The following MAN2A1 variants were observed in gnomAD, a reference collection of about 807,000 sequenced individuals.
MAN2A1 encodes mannosidase alpha class 2A member 1, also known as alpha-mannosidase 2.
A neutral mutation model predicts 142.6 loss-of-function variants in MAN2A1; 76 were observed. That is an observed-to-expected ratio of 0.53 (90% CI 0.44 to 0.65). MAN2A1 has a LOEUF of 0.65. MAN2A1 is among the 30% of genes least tolerant of loss of function. The pLI, the probability that MAN2A1 is intolerant of heterozygous loss-of-function variation, is 0.00. For missense variants in MAN2A1, 1,311 were observed against 1,365.1 expected, an observed-to-expected ratio of 0.96 and a Z score of 0.62; for synonymous variants, 559 against 473.2, an observed-to-expected ratio of 1.18 and a Z score of -2.35.
chr5:109,704,918 A>G (rs1751088086), intron 1 of MAN2A1, among the ~76,000 whole-genome samples: 1 of 152,086 alleles, frequency 6.6e-6, no homozygotes, highest in Admixed American at 6.6e-5. Flanking sequence ...ATTCATATTT[A>G]TTCTGGCCAC....
In MAN2A1 at chr5:109,865,103, C is replaced by G. The variant is rs770916865; in HGVS notation, c.3239C>G (p.Ser1080Cys). The G allele has an allele frequency of 1.2e-6, 2 of 1,613,926 alleles. No individual in the cohort carries two copies. Among genetic ancestry groups the G allele is most frequent in the African/African-American group, 2.7e-5 (2 of 74,920 alleles). The change falls in exon 21 of 22, where the codon TCT becomes TGT. Residue 1080 changes from serine to cysteine, a missense_variant. Physicochemically the swap from Ser to Cys is moderately radical, Grantham distance 112. Transcript: ENST00000261483. ...LHRKGFDCRF[S>C]SKGTGLFCST... ...AGAAAAGGGTTTGATTGTCGGTTCT[C>G]TAGCAAAGGCACAGGGCTGTTTTGT...
chr5:109,705,905 T>A (rs1398763212), intron 1 of MAN2A1, among the ~76,000 whole-genome samples: 1 of 152,208 alleles, frequency 6.6e-6, no homozygotes, highest in Non-Finnish European at 1.5e-5. Flanking sequence ...CTCTTCCATT[T>A]TCCTCTTTTC....
chr5:109,851,642 A>G lies in MAN2A1; in HGVS notation c.2977-3498A>G, dbSNP rs1233156953. Among the ~76,000 whole-genome samples, 4 of 152,234 alleles carry G rather than the reference A, an allele frequency of 2.6e-5. No homozygotes were observed. The East Asian group carries it at 7.7e-4, about 29-fold the overall frequency. On this transcript the variant is annotated intron_variant, in intron 19 of 21. Coordinates refer to ENST00000261483, the MANE Select transcript of MAN2A1 (RefSeq NM_002372.4). ...AATAAACTTCTTTTATAGATAAATT[A>G]TCCAGTCTGTGGTATTCTGTTATGG...
At chr5:109,695,118 A>T (rs1277969091) in intron 1 of MAN2A1, among the ~76,000 whole-genome samples, 1 of 152,186 alleles carries the variant, frequency 6.6e-6, no homozygotes, top group East Asian at 1.9e-4. Context: ...TCTCTTCCTG[A>T]TCAGCATTTT....
At chr5:109,762,388 C>CT (rs1249828530) in intron 5 of MAN2A1, among the ~76,000 whole-genome samples, 1 of 151,768 alleles carries the variant, frequency 6.6e-6, no homozygotes, top group Admixed American at 6.6e-5. Context: ...TTTTTTGTTT[C>CT]TTTTTCTCTC....
intron 12 of MAN2A1, among the ~76,000 whole-genome samples, chr5:109,797,261 T>A (rs2301011): frequency 0.66 from 100,394 of 151,804 alleles, 33,909 homozygotes; most frequent in East Asian, 0.91. Flanking sequence ...AAAATTTTTT[T>A]AAAAAAAGAG....
intron 12 of MAN2A1, 129 bp downstream of exon 12, chr5:109,789,656 T>C (rs1172827487): frequency 3.2e-6 from 2 of 620,268 alleles, no homozygotes; most frequent in East Asian, 2.9e-5. Context: ...TCCTAAAAAA[T>C]GGATTTTCTT....
At chr5:109,803,946 C>T (rs946869161) in intron 12 of MAN2A1, among the ~76,000 whole-genome samples, 1 of 152,080 alleles carries the variant, frequency 6.6e-6, no homozygotes, top group African/African-American at 2.4e-5. Context: ...GAGATTACTT[C>T]AGTAGCTTAT....
chr5:109,803,318 G>T (rs1175290684), intron 12 of MAN2A1, among the ~76,000 whole-genome samples: 1 of 152,010 alleles, frequency 6.6e-6, no homozygotes, highest in Non-Finnish European at 1.5e-5. Flanking sequence ...AAATTGCCTG[G>T]TTAGTCTGTG....
intron 18 of MAN2A1, 126 bp downstream of exon 18, chr5:109,846,132 T>C: frequency 1.3e-6 from 1 of 799,034 alleles, no homozygotes; most frequent in Non-Finnish European, 1.8e-6. Flanking sequence ...GCTTTTTTCT[T>C]TCAACAACCA....
rs1383917654 is a variant in MAN2A1, at chr5:109,817,328, T to G, written c.1999T>G (p.Tyr667Asp). The G allele has an allele frequency of 6.2e-7, 1 of 1,614,056 alleles. No individual in the cohort carries two copies. Among genetic ancestry groups the G allele is most frequent in the African/African-American group, 1.3e-5 (1 of 74,934 alleles). ...AGACCGAATCTCGTTGGTCTCAGTC[T>G]ATGTGAGTTCCCCGACAGTGCAAGT... ...EQDRISLVSV[Y>D]VSSPTVQVFS... The change falls in exon 13 of 22, where the codon TAT becomes GAT. Residue 667 changes from tyrosine (Y) to aspartate (D), a missense_variant. Transcript: ENST00000261483.
chr5:109,701,800 A>T (rs1471742627), intron 1 of MAN2A1, among the ~76,000 whole-genome samples: 6 of 152,220 alleles, frequency 3.9e-5, no homozygotes, highest in African/African-American at 1.4e-4. Flanking sequence ...GAGTGGCTTG[A>T]ATCAGAAAAT....
rs376329308 is a variant in MAN2A1, at chr5:109,831,654, C to G, written c.2566+7817C>G. ...TGTGTTTTTTAAAAGCCTGCACTAG[C>G]TTTTTCTTTAACTGTCGGAAACTTC... On this transcript the variant is annotated intron_variant, in intron 16 of 21. Transcript: ENST00000261483. Among the ~76,000 whole-genome samples the G allele has an allele frequency of 2.4e-4, 36 of 152,156 alleles. 1 individual carries two copies. In the East Asian group the frequency reaches 4.2e-3, roughly 18 times the overall value.
chr5:109,724,096 C>T (rs912253596), intron 3 of MAN2A1, among the ~76,000 whole-genome samples: 6 of 152,214 alleles, frequency 3.9e-5, no homozygotes, highest in East Asian at 1.9e-4. Flanking sequence ...TAATCAGCAG[C>T]GTATTTGAGT....
intron 16 of MAN2A1, among the ~76,000 whole-genome samples, chr5:109,832,833 AGGGGG>A (rs1561535042): frequency 6.6e-5 from 10 of 150,474 alleles, no homozygotes; most frequent in African/African-American, 2.2e-4. Context: ...CACCTCCTGG[AGGGGG>A]CGGCTGCCGG....
chr5:109,832,457 C>A (rs1754937404), intron 16 of MAN2A1, among the ~76,000 whole-genome samples: 1 of 152,060 alleles, frequency 6.6e-6, no homozygotes, highest in South Asian at 2.1e-4. Flanking sequence ...CCTGAGTGGA[C>A]ACAGCACATG....
chr5:109,856,632 T>C (rs1250621813), intron 20 of MAN2A1, among the ~76,000 whole-genome samples: 2 of 152,182 alleles, frequency 1.3e-5, no homozygotes, highest in African/African-American at 4.8e-5. Flanking sequence ...GGCCCCCTGG[T>C]TTTTTTCCTT....
rs753839801 is a variant in MAN2A1, at chr5:109,799,370, G to A, written c.1943+9843G>A. On this transcript the variant is annotated intron_variant, in intron 12 of 21. Transcript: ENST00000261483. ...TCCAGCCCCACAATGACTCTATTCA[G>A]AACACAAAAATTCAGAGAACTATCA... is the stretch of plus-strand genomic sequence containing the variant. Among the ~76,000 whole-genome samples the A allele has an allele frequency of 4.1e-4, 62 of 152,206 alleles. 1 individual carries two copies. Among genetic ancestry groups the A allele is most frequent in the Middle Eastern group, 3.4e-3 (1 of 294 alleles).
At chr5:109,742,849 G>A (rs1414580077) in intron 4 of MAN2A1, among the ~76,000 whole-genome samples, 2 of 152,186 alleles carry the variant, frequency 1.3e-5, no homozygotes, top group African/African-American at 4.8e-5. Flanking sequence ...TGAAGCAGTG[G>A]TTTACGTTTA....
Sources: allele counts gnomAD v4.1 joint callset (sites outside exome capture counted in the v4.1 genomes callset), GRCh38; gene constraint gnomAD v4.1.1; transcripts MANE v1.5; gene names NCBI Gene and HGNC (gene_info 2026-07-23, HGNC 2026-07-21).